The following AMPH variants were observed in gnomAD, a reference collection of about 807,000 sequenced individuals.
The protein encoded by AMPH is amphiphysin (Stiff-Mann syndrome with breast cancer 128kD autoantigen).
A neutral mutation model predicts 99.1 loss-of-function variants in AMPH; 49 were observed. The ratio of observed to expected loss-of-function variants is 0.49; its 90% CI spans 0.39 to 0.63. The LOEUF is 0.63. Among genes scored for constraint, AMPH ranks in the 20% least tolerant of loss-of-function variants. The pLI is 0.00. For missense variants in AMPH, 759 were observed against 863.4 expected, an observed-to-expected ratio of 0.88 and a Z score of 1.52; for synonymous variants, 314 against 317.3, an observed-to-expected ratio of 0.99 and a Z score of 0.11.
chr7:38,449,340 T>C (rs1786917353), intron 11 of AMPH, among the ~76,000 whole-genome samples: 1 of 152,202 alleles, frequency 6.6e-6, no homozygotes, highest in African/African-American at 2.4e-5. Context: ...ACTTCTGCAC[T>C]AGGAGAGGCA....
intron 3 of AMPH, among the ~76,000 whole-genome samples, chr7:38,499,866 A>G (rs1434357752): frequency 1.3e-5 from 2 of 151,996 alleles, no homozygotes; most frequent in African/African-American, 4.8e-5. Context: ...GTCTCATGAG[A>G]TCTGATGGTT....
intron 5 of AMPH, among the ~76,000 whole-genome samples, chr7:38,485,952 A>G (rs1788474389): frequency 6.6e-6 from 1 of 151,974 alleles, no homozygotes; most frequent in Admixed American, 6.6e-5. Flanking sequence ...GTAGCAGAAA[A>G]AGCTGTACTA....
chr7:38,423,700 G>A (rs761555193), intron 15 of AMPH, among the ~76,000 whole-genome samples: 4 of 152,150 alleles, frequency 2.6e-5, no homozygotes, highest in Non-Finnish European at 5.9e-5. Context: ...AAATCAGTCC[G>A]ATTTGTTCCT....
At chr7:38,630,037 C>T (rs1422597425) in intron 1 of AMPH, among the ~76,000 whole-genome samples, 1 of 152,200 alleles carries the variant, frequency 6.6e-6, no homozygotes, top group Non-Finnish European at 1.5e-5. Context: ...CTCAGCAACT[C>T]ATGGTCAGCC....
chr7:38,558,640 T>C (rs1298157757), intron 1 of AMPH, among the ~76,000 whole-genome samples: 1 of 152,198 alleles, frequency 6.6e-6, no homozygotes, highest in East Asian at 1.9e-4. Flanking sequence ...AGCATTTCCT[T>C]TTAATGGAAT....
intron 2 of AMPH, among the ~76,000 whole-genome samples, chr7:38,531,783 C>T (rs963200558): frequency 6.6e-6 from 1 of 152,066 alleles, no homozygotes; most frequent in Admixed American, 6.6e-5. Flanking sequence ...TCATTTTATA[C>T]TATCAATAGT....
rs377766399 is a variant in AMPH at position 38,625,434 on chromosome 7, A to G, written c.69+5849T>C. 1.8e-4 allele frequency among the ~76,000 whole-genome samples: 27 copies of G among 152,348 alleles called. No individual in the cohort carries two copies. In the East Asian group the frequency reaches 4.6e-3, roughly 26 times the overall value. On this transcript the variant is annotated intron_variant, in intron 1 of 20. Coordinates refer to ENST00000356264, the MANE Select transcript of AMPH (RefSeq NM_001635.4). ...GCAAGGCAATTATTAACTCCAGGAA[A>G]AACAAAAAGCTGCATGAAAAACTTA...
chr7:38,571,087 AT>A lies in AMPH; in HGVS notation c.70-36077del, dbSNP rs1263853729. Among the ~76,000 whole-genome samples, 2 of 33,930 alleles carry A rather than the reference AT, an allele frequency of 5.9e-5. 1 individual carries two copies. The highest frequency in any genetic ancestry group is 1.1e-4 in the Non-Finnish European group (2 of 17,592). The allele number at this position is 33,930 out of a possible 152,430, so 22.3% of individuals were successfully genotyped here. A position where few individuals can be genotyped will look rare whatever the true frequency, so the allele number is the denominator to read the frequency against. ...GAATATATATAGAATATATATATTC[AT>A]ATATTGAATATATATATTCATATAT... On this transcript the variant is annotated intron_variant, in intron 1 of 20. Transcript: ENST00000356264.
intron 2 of AMPH, among the ~76,000 whole-genome samples, chr7:38,517,004 T>C (rs577851468): frequency 1.3e-5 from 2 of 152,380 alleles, no homozygotes; most frequent in East Asian, 3.9e-4. Flanking sequence ...CCTGTATCTC[T>C]ATTGTATCTT....
chr7:38,426,427 T>C (rs1019469311), intron 15 of AMPH, among the ~76,000 whole-genome samples: 1 of 152,268 alleles, frequency 6.6e-6, no homozygotes, highest in South Asian at 2.1e-4. Context: ...CTATGGTTTC[T>C]GATCTTCCAA....
intron 19 of AMPH, 103 bp from the exon 20 acceptor site, chr7:38,390,008 GC>G: frequency 1.1e-6 from 1 of 921,096 alleles, no homozygotes; most frequent in South Asian, 1.4e-5. Flanking sequence ...GAAGATATTT[GC>G]CATATCCCAA....
At chr7:38,407,641 T>C (rs1041908207) in intron 17 of AMPH, among the ~76,000 whole-genome samples, 2 of 151,912 alleles carry the variant, frequency 1.3e-5, no homozygotes, top group Middle Eastern at 3.2e-3. Flanking sequence ...TTAAAAAAAT[T>C]CAAAAAATTA....
chr7:38,577,852 T>C (rs540906694), intron 1 of AMPH, among the ~76,000 whole-genome samples: 2 of 151,728 alleles, frequency 1.3e-5, no homozygotes, highest in Non-Finnish European at 2.9e-5. Flanking sequence ...AGACGGAACA[T>C]AAAAGAGGAA....
intron 1 of AMPH, among the ~76,000 whole-genome samples, chr7:38,614,995 A>T (rs558670535): frequency 2.0e-5 from 3 of 152,316 alleles, no homozygotes; most frequent in African/African-American, 7.2e-5. Flanking sequence ...TAAAGGCATA[A>T]AACCTTTTCA....
At chr7:38,402,988 T>C (rs1784884345) in intron 17 of AMPH, among the ~76,000 whole-genome samples, 1 of 152,220 alleles carries the variant, frequency 6.6e-6, no homozygotes, top group Non-Finnish European at 1.5e-5. Context: ...CTCGTGAATC[T>C]TCTTTTACAC....
At position 38,451,292 on chromosome 7, in the gene AMPH, C is replaced by CACACACATATATA. The variant is rs1368735505; in HGVS notation, c.1017+9990_1017+9991insTATATATGTGTGT. 7.4e-5 allele frequency among the ~76,000 whole-genome samples: 10 copies of CACACACATATATA among 135,542 alleles called. 1 individual carries two copies. The East Asian group carries it at 4.0e-3, about 55-fold the overall frequency. 88.9% of individuals were successfully genotyped at this position (135,542 alleles called of 152,430 possible). On this transcript the variant is annotated intron_variant, in intron 11 of 20. Coordinates refer to ENST00000356264, the MANE Select transcript of AMPH (RefSeq NM_001635.4). The stretch of plus-strand genomic sequence containing the variant: ...GCATATACATGTATATATACACATG[C>CACACACATATATA]ACACATATATACGTGTGTATATACA...
chr7:38,429,477 C>T (rs2128992341), intron 14 of AMPH: 1 of 1,316,034 alleles, frequency 7.6e-7, no homozygotes, highest in South Asian at 1.2e-5. Flanking sequence ...AGTAAATGCA[C>T]CTATATCATT....
chr7:38,415,706 A>G (rs1019284), intron 17 of AMPH, among the ~76,000 whole-genome samples: 146,834 of 152,198 alleles, frequency 0.96, 70,896 homozygotes, highest in East Asian at 1. Flanking sequence ...TAGGCAAACT[A>G]AATTGCTGTA....
intron 17 of AMPH, among the ~76,000 whole-genome samples, chr7:38,402,720 G>A (rs1172515547): frequency 6.6e-6 from 1 of 152,174 alleles, no homozygotes; most frequent in Non-Finnish European, 1.5e-5. Flanking sequence ...TCTGATCGAG[G>A]GTGGAGATGG....
Sources: allele counts gnomAD v4.1 joint callset (sites outside exome capture counted in the v4.1 genomes callset), GRCh38; gene constraint gnomAD v4.1.1; transcripts MANE v1.5; gene names NCBI Gene and HGNC (gene_info 2026-07-23, HGNC 2026-07-21).